IL1RAPL1: variants seen among roughly 807,000 people sequenced by gnomAD.
The protein encoded by IL1RAPL1 is interleukin 1 receptor accessory protein like 1, also known as interleukin-1 receptor accessory protein-like 1.
A neutral mutation model predicts 48.4 loss-of-function variants in IL1RAPL1; 3 were observed. That is an observed-to-expected ratio of 0.06 (90% CI 0.03 to 0.16). The LOEUF is 0.16. Among genes scored for constraint, IL1RAPL1 ranks in the 10% least tolerant of loss-of-function variants. The probability of loss-of-function intolerance (pLI) is 1.00; values close to 1 mark genes in which losing one functional copy is unlikely to be tolerated. For missense variants in IL1RAPL1, 349 were observed against 530.6 expected (o/e 0.66, Z 3.36); for synonymous variants, 185 against 187.7 (o/e 0.99, Z 0.12).
intron 2 of IL1RAPL1, among the ~76,000 whole-genome samples, chrX:29,139,742 A>T (rs1390155583): frequency 8.9e-6 from 1 of 111,735 alleles, no homozygotes; most frequent in African/African-American, 3.3e-5. Flanking sequence ...TGGCAGAAAC[A>T]TGCAATAGAT....
chrX:28,989,168 G>C (rs1331608719), intron 2 of IL1RAPL1, among the ~76,000 whole-genome samples: 1 of 112,224 alleles, frequency 8.9e-6, no homozygotes, highest in Non-Finnish European at 1.9e-5. Context: ...GAGGCACTGG[G>C]ATAGCGCCAT....
chrX:29,277,812 A>G (rs1166280832), intron 2 of IL1RAPL1, among the ~76,000 whole-genome samples: 1 of 112,178 alleles, frequency 8.9e-6, no homozygotes, highest in Non-Finnish European at 1.9e-5. Context: ...AATGGGACCC[A>G]AGTCTGAACA....
At chrX:29,374,286 CTTTTTTTTTTTT>C (rs747182215) in intron 3 of IL1RAPL1, among the ~76,000 whole-genome samples, 297 of 4,785 alleles carry the variant, frequency 0.062, 12 homozygotes, top group African/African-American at 0.15. Context: ...TGGTTGGTTG[CTTTTTTTTTTTT>C]TTTTTTTTTT....
chrX:28,807,463 C>T (rs2147274212), intron 2 of IL1RAPL1, among the ~76,000 whole-genome samples: 1 of 111,871 alleles, frequency 8.9e-6, no homozygotes, highest in South Asian at 3.7e-4. Flanking sequence ...CTGAATTAGA[C>T]AAGAACATAT....
intron 5 of IL1RAPL1, among the ~76,000 whole-genome samples, chrX:29,516,800 G>A (rs2147770012): frequency 9.1e-6 from 1 of 110,418 alleles, no homozygotes; most frequent in Non-Finnish European, 1.9e-5. Context: ...TATATATCTA[G>A]CAGTTGAACA....
chrX:28,801,887 T>A (rs1936680553), intron 2 of IL1RAPL1, among the ~76,000 whole-genome samples: 1 of 112,137 alleles, frequency 8.9e-6, no homozygotes, highest in South Asian at 3.6e-4. Context: ...TCCATACAAA[T>A]AATAGTTCAT....
At chrX:29,142,890 A>G (rs1602078097) in intron 2 of IL1RAPL1, among the ~76,000 whole-genome samples, 1 of 109,918 alleles carries the variant, frequency 9.1e-6, no homozygotes. Context: ...TAGTAGAGAC[A>G]GGGTTTCACC....
At chrX:29,458,453 C>T (rs937012618) in intron 5 of IL1RAPL1, among the ~76,000 whole-genome samples, 6 of 64,568 alleles carry the variant, frequency 9.3e-5, no homozygotes, top group African/African-American at 1.5e-4. Context: ...GAGAGTTCTA[C>T]TCCTTGACTG....
At chrX:28,786,222 T>G (rs1057175003) in intron 1 of IL1RAPL1, among the ~76,000 whole-genome samples, 4 of 111,689 alleles carry the variant, frequency 3.6e-5, no homozygotes, top group African/African-American at 1.3e-4. Flanking sequence ...CTCAGCACTT[T>G]GGGAGGCCAA....
rs34343530 is a variant in IL1RAPL1 at position 28,836,336 on chromosome X, TTATA to T, written c.82+46935_82+46938del. On this transcript the variant is annotated intron_variant, in intron 2 of 10. Transcript: ENST00000378993. ...ATAAAATGCCTTTTGCTTCCCAATT[TTATA>T]TATATATATATATATATATATATGA... Among the ~76,000 whole-genome samples, 182 of 85,260 alleles carry T rather than the reference TTATA, an allele frequency of 2.1e-3. 2 individuals carry two copies. Among genetic ancestry groups the T allele is most frequent in the African/African-American group, 6.3e-3 (135 of 21,286 alleles). 74.0% of individuals were successfully genotyped at this position (85,260 alleles called of 115,157 possible).
At chrX:29,347,097 C>T (rs1354893883) in intron 3 of IL1RAPL1, among the ~76,000 whole-genome samples, 1 of 110,718 alleles carries the variant, frequency 9.0e-6, no homozygotes, top group Non-Finnish European at 1.9e-5. Flanking sequence ...GAGATAGGTT[C>T]TAAGACCTAC....
intron 5 of IL1RAPL1, among the ~76,000 whole-genome samples, chrX:29,438,517 G>A (rs1184640108): frequency 9.0e-6 from 1 of 110,742 alleles, no homozygotes; most frequent in Non-Finnish European, 1.9e-5. Flanking sequence ...TAAGCATTTA[G>A]TACTGTAAAA....
chrX:28,811,023 A>G (rs753070807), intron 2 of IL1RAPL1, among the ~76,000 whole-genome samples: 1 of 110,768 alleles, frequency 9.0e-6, no homozygotes, highest in South Asian at 3.8e-4. Context: ...CTTCATTTGT[A>G]TAGATACTAA....
chrX:28,729,008 C>T (rs1352010199), intron 1 of IL1RAPL1, among the ~76,000 whole-genome samples: 1 of 112,018 alleles, frequency 8.9e-6, no homozygotes, highest in African/African-American at 3.2e-5. Flanking sequence ...GGGAACTTTA[C>T]AGCCCATTCT....
intron 1 of IL1RAPL1, among the ~76,000 whole-genome samples, chrX:28,755,390 A>G: frequency 8.9e-6 from 1 of 112,446 alleles, no homozygotes; most frequent in East Asian, 2.8e-4. Context: ...TGAATTAATT[A>G]AAATTAAGTA....
chrX:29,319,364 A>ATTTTTTTTTTTTTTTTTTTCTTT (rs1932786281), intron 3 of IL1RAPL1, among the ~76,000 whole-genome samples: 1 of 58,137 alleles, frequency 1.7e-5, no homozygotes, highest in African/African-American at 7.3e-5. Context: ...GATAAATTTA[A>ATTTTTTTTTTTTTTTTTTTCTTT]TTTTTTTTTT....
chrX:29,001,511 TCA>T (rs919189144), intron 2 of IL1RAPL1, among the ~76,000 whole-genome samples: 1 of 111,992 alleles, frequency 8.9e-6, no homozygotes, highest in African/African-American at 3.2e-5. Flanking sequence ...GTGTGGATTT[TCA>T]CAGAGGAAAA....
chrX:28,735,381 ATAT>A (rs1294611106), intron 1 of IL1RAPL1, among the ~76,000 whole-genome samples: 3 of 110,736 alleles, frequency 2.7e-5, no homozygotes, highest in African/African-American at 9.9e-5. Context: ...CAGAAAGCAC[ATAT>A]TATGCTTTCT....
chrX:29,566,011 C>T (rs1417363265), intron 5 of IL1RAPL1, among the ~76,000 whole-genome samples: 2 of 109,403 alleles, frequency 1.8e-5, no homozygotes, highest in Non-Finnish European at 1.9e-5. Flanking sequence ...TGCAGCGTCG[C>T]GATTTCGGCT....
Sources: allele counts gnomAD v4.1 joint callset (sites outside exome capture counted in the v4.1 genomes callset), GRCh38; gene constraint gnomAD v4.1.1; transcripts MANE v1.5; gene names NCBI Gene and HGNC (gene_info 2026-07-23, HGNC 2026-07-21).